Variants in NRXN3 observed in about 807,000 individuals in gnomAD.
NRXN3 encodes the protein neurexin 3, also known as neurexin III.
NRXN3 carries 32 observed loss-of-function variants against 137.6 expected under a neutral mutation model. That is an observed-to-expected ratio of 0.23 (90% confidence interval 0.18 to 0.31). NRXN3 has a LOEUF of 0.31. Among genes scored for constraint, NRXN3 ranks in the 10% least tolerant of loss-of-function variants. The pLI is 1.00. For synonymous variants in NRXN3, 798 were observed against 784.5 expected, an observed-to-expected ratio of 1.02 and a Z score of -0.29; for missense variants, 1,574 against 2,062.5, an observed-to-expected ratio of 0.76 and a Z score of 4.59.
chr14:78,509,290 C>T (rs951275522), intron 4 of NRXN3, among the ~76,000 whole-genome samples: 3 of 152,230 alleles, frequency 2.0e-5, no homozygotes, highest in South Asian at 2.1e-4. Flanking sequence ...CAGAGCGAGA[C>T]CCCATCTCAA....
intron 15 of NRXN3, among the ~76,000 whole-genome samples, chr14:79,100,349 C>G (rs1239721695): frequency 6.6e-6 from 1 of 152,202 alleles, no homozygotes; most frequent in East Asian, 1.9e-4. Context: ...TACTCAATTT[C>G]AAGTTAATAT....
intron 15 of NRXN3, among the ~76,000 whole-genome samples, chr14:79,019,641 T>C (rs1268772454): frequency 6.6e-6 from 1 of 152,076 alleles, no homozygotes; most frequent in East Asian, 1.9e-4. Context: ...CTCCAAAAGG[T>C]GTAGAAGAAT....
chr14:79,510,137 CTAAGA>C (rs2096918668), intron 16 of NRXN3, among the ~76,000 whole-genome samples: 1 of 152,126 alleles, frequency 6.6e-6, no homozygotes, highest in Admixed American at 6.6e-5. Flanking sequence ...TTCCGTTTAC[CTAAGA>C]TAATTGCAGA....
chr14:78,732,653 G>A (rs1189333944), intron 8 of NRXN3, among the ~76,000 whole-genome samples: 2 of 152,098 alleles, frequency 1.3e-5, no homozygotes, highest in Non-Finnish European at 2.9e-5. Context: ...CTTAGACCAG[G>A]TAAGAAACTA....
At chr14:78,691,248 T>A (rs2152770809) in intron 6 of NRXN3, among the ~76,000 whole-genome samples, 1 of 152,270 alleles carries the variant, frequency 6.6e-6, no homozygotes, top group African/African-American at 2.4e-5. Context: ...TTAAATATGT[T>A]TTCTCTTAGG....
At chr14:78,877,626 T>TG (rs1439908885) in intron 10 of NRXN3, among the ~76,000 whole-genome samples, 2 of 152,208 alleles carry the variant, frequency 1.3e-5, no homozygotes, top group Admixed American at 6.5e-5. Context: ...AACAAATATT[T>TG]GATTAATGAA....
chr14:79,671,049 C>T (rs1488714609), intron 17 of NRXN3, among the ~76,000 whole-genome samples: 1 of 152,196 alleles, frequency 6.6e-6, no homozygotes, highest in Non-Finnish European at 1.5e-5. Flanking sequence ...CTCAGCCAAA[C>T]TCACCCAGGT....
chr14:78,995,989 A>T (rs1253193870), intron 15 of NRXN3, among the ~76,000 whole-genome samples: 3 of 152,082 alleles, frequency 2.0e-5, no homozygotes, highest in Non-Finnish European at 4.4e-5. Context: ...GGCCCCCGCT[A>T]ACAATAAATG....
chr14:79,116,337 A>G (rs2054434984), intron 15 of NRXN3, among the ~76,000 whole-genome samples: 1 of 152,194 alleles, frequency 6.6e-6, no homozygotes, highest in African/African-American at 2.4e-5. Context: ...TTACAGAGGC[A>G]TCTGCAGACC....
intron 8 of NRXN3, among the ~76,000 whole-genome samples, chr14:78,773,599 G>C (rs1238501613): frequency 1.3e-5 from 2 of 151,984 alleles, no homozygotes; most frequent in Non-Finnish European, 2.9e-5. Context: ...AGAAGCTTCA[G>C]TTGAGAACTG....
At chr14:78,465,494 C>T (rs960620753) in intron 4 of NRXN3, among the ~76,000 whole-genome samples, 3 of 152,118 alleles carry the variant, frequency 2.0e-5, no homozygotes, top group African/African-American at 7.2e-5. Context: ...AGAAATATCA[C>T]AAGTGATGAC....
chr14:78,628,177 A>G (rs2097485661), intron 4 of NRXN3, among the ~76,000 whole-genome samples: 1 of 151,778 alleles, frequency 6.6e-6, no homozygotes, highest in Non-Finnish European at 1.5e-5. Flanking sequence ...GGCTCAAACA[A>G]CACTCCTGCC....
intron 8 of NRXN3, among the ~76,000 whole-genome samples, chr14:78,756,720 CTG>C (rs1445869825): frequency 1.3e-5 from 2 of 151,998 alleles, no homozygotes; most frequent in East Asian, 3.9e-4. Context: ...CATTGAAGAA[CTG>C]AGGAATTTGC....
intron 15 of NRXN3, among the ~76,000 whole-genome samples, chr14:79,051,757 GGA>G (rs1173645002): frequency 6.6e-6 from 1 of 152,164 alleles, no homozygotes; most frequent in Non-Finnish European, 1.5e-5. Context: ...GGCAAGGTTT[GGA>G]GAGAGAGCAG....
chr14:79,757,702 G>C (rs547869628), intron 19 of NRXN3, among the ~76,000 whole-genome samples: 3 of 152,090 alleles, frequency 2.0e-5, no homozygotes, highest in Admixed American at 2.0e-4. Context: ...TAGGTCTGCC[G>C]CTAAGCTGTA....
chr14:78,926,736 A>AAATTGGC (rs1389838550), intron 10 of NRXN3, among the ~76,000 whole-genome samples: 3 of 68,640 alleles, frequency 4.4e-5, no homozygotes, highest in African/African-American at 1.5e-4. Flanking sequence ...TATAATATAA[A>AAATTGGC]ATATATATTA....
At chr14:79,191,734 G>A (rs1403408460) in intron 15 of NRXN3, among the ~76,000 whole-genome samples, 1 of 152,142 alleles carries the variant, frequency 6.6e-6, no homozygotes, top group East Asian at 1.9e-4. Flanking sequence ...TTGAAGTTAA[G>A]TTTGCCTAAA....
intron 4 of NRXN3, among the ~76,000 whole-genome samples, chr14:78,324,205 G>T (rs537190310): frequency 6.6e-6 from 1 of 152,020 alleles, no homozygotes; most frequent in Non-Finnish European, 1.5e-5. Flanking sequence ...GGATAAACCC[G>T]CTTACCACAT....
chr14:78,511,725 C>G (rs913609597), intron 4 of NRXN3, among the ~76,000 whole-genome samples: 1 of 152,174 alleles, frequency 6.6e-6, no homozygotes, highest in African/African-American at 2.4e-5. Context: ...GATTTCCTAT[C>G]AGCTATTTAT....
Sources: allele counts gnomAD v4.1 joint callset (sites outside exome capture counted in the v4.1 genomes callset), GRCh38; gene constraint gnomAD v4.1.1; transcripts MANE v1.5; gene names NCBI Gene and HGNC (gene_info 2026-07-23, HGNC 2026-07-21).